The following NCOR2 variants were observed in gnomAD, a reference collection of about 807,000 sequenced individuals.
NCOR2 encodes the protein nuclear receptor corepressor 2.
In NCOR2, 81 loss-of-function variants were observed where a neutral mutation model predicts 262.9. The observed-to-expected ratio is 0.31, with a 90% CI of 0.26 to 0.37. The LOEUF is 0.37. NCOR2 is among the 10% of genes least tolerant of loss of function. The pLI is 1.00. For synonymous variants in NCOR2, 1,659 were observed against 1,559.3 expected, an observed-to-expected ratio of 1.06 and a Z score of -1.51; for missense variants, 3,385 against 3,621.4, an observed-to-expected ratio of 0.93 and a Z score of 1.68.
At chr12:124,366,370 A>G (rs567826432) in intron 20 of NCOR2, among the ~76,000 whole-genome samples, 21 of 151,418 alleles carry the variant, frequency 1.4e-4, no homozygotes, top group Non-Finnish European at 2.4e-4. Context: ...GTTTCTGTGA[A>G]AAGTCCAGAA....
chr12:124,338,004 T>C lies in NCOR2; in HGVS notation c.5688-824A>G, dbSNP rs928469564. Among the ~76,000 whole-genome samples the C allele has an allele frequency of 2.6e-5, 4 of 152,252 alleles. 1 individual carries two copies. Among genetic ancestry groups the C allele is most frequent in the Admixed American group, 2.6e-4 (4 of 15,288 alleles). On this transcript the variant is annotated intron_variant, in intron 37 of 46. Transcript: ENST00000405201. Reference sequence around the variant, plus strand: ...CCCACAGAGCCTGTGTGCGGAACCCTGCTCCCCACAGCCAGGGATTAGTGC... The same window carrying C: ...CCCACAGAGCCTGTGTGCGGAACCCCGCTCCCCACAGCCAGGGATTAGTGC...
intron 37 of NCOR2, among the ~76,000 whole-genome samples, chr12:124,338,878 CCAT>C (rs1051830379): frequency 6.6e-6 from 1 of 151,544 alleles, no homozygotes; most frequent in African/African-American, 2.4e-5. Context: ...ACCATCCATT[CCAT>C]CATCCACCTA....
chr12:124,350,227 C>T (rs572926214), intron 28 of NCOR2, among the ~76,000 whole-genome samples: 1 of 152,174 alleles, frequency 6.6e-6, no homozygotes, highest in African/African-American at 2.4e-5. Flanking sequence ...GGGCGAGGGG[C>T]ACTCTGGCCA....
intron 12 of NCOR2, among the ~76,000 whole-genome samples, chr12:124,421,735 C>T (rs1047101804): frequency 1.3e-5 from 2 of 152,250 alleles, no homozygotes; most frequent in African/African-American, 2.4e-5. Flanking sequence ...TCTCCTCTGA[C>T]CCCAAGATGC....
chr12:124,404,944 G>A (rs557868062), intron 13 of NCOR2, among the ~76,000 whole-genome samples: 1 of 152,368 alleles, frequency 6.6e-6, no homozygotes, highest in African/African-American at 2.4e-5. Context: ...CAGGCTCAGA[G>A]AGGCAAAGCT....
rs568657581 is a variant in NCOR2 at position 124,401,936 on chromosome 12, G to C, written c.1640+468C>G. Among the ~76,000 whole-genome samples, 3 of 152,322 alleles carry C rather than the reference G, an allele frequency of 2.0e-5. 1 individual carries two copies. Among genetic ancestry groups the C allele is most frequent in the East Asian group, 1.9e-4 (1 of 5,182 alleles). ...CTGTCACGGCCCCCGCGGTGAGGCT[G>C]TGCCTTGATCTGCAAGAACTCACAC... On this transcript the variant is annotated intron_variant, in intron 14 of 46. Transcript: ENST00000405201.
At chr12:124,532,102 GA>G (rs2050824508) in intron 1 of NCOR2, among the ~76,000 whole-genome samples, 1 of 152,140 alleles carries the variant, frequency 6.6e-6, no homozygotes, top group Non-Finnish European at 1.5e-5. Flanking sequence ...GGAGAATGGG[GA>G]TAAGGACGGT....
At chr12:124,519,091 C>CACACACACAT (rs779924337) in intron 1 of NCOR2, among the ~76,000 whole-genome samples, 2,313 of 121,334 alleles carry the variant, frequency 0.019, 66 homozygotes, top group Middle Eastern at 0.048. Context: ...CCAAATAATA[C>CACACACACAT]ACACACACAC....
chr12:124,563,969 G>A (rs909946225), intron 1 of NCOR2, among the ~76,000 whole-genome samples: 2 of 152,208 alleles, frequency 1.3e-5, no homozygotes, highest in Non-Finnish European at 2.9e-5. Flanking sequence ...GTGTGACCTT[G>A]GGCAAGTTAC....
intron 10 of NCOR2, chr12:124,429,282 C>T (rs1307617400): frequency 5.9e-6 from 2 of 337,364 alleles, no homozygotes; most frequent in African/African-American, 2.1e-5. Context: ...TGGGAAGTTC[C>T]AAAAGGAGGC....
intron 40 of NCOR2, 45 bp downstream of exon 42, chr12:124,335,090 C>G (rs1386064695): frequency 1.2e-6 from 2 of 1,612,064 alleles, no homozygotes; most frequent in Non-Finnish European, 1.7e-6. Context: ...GCCTGGTGCC[C>G]CCAGGTGCAA....
At chr12:124,415,006 C>T (rs1247581546) in intron 13 of NCOR2, among the ~76,000 whole-genome samples, 1 of 152,188 alleles carries the variant, frequency 6.6e-6, no homozygotes, top group Non-Finnish European at 1.5e-5. Flanking sequence ...CACAGAGGTA[C>T]CCTGGGTGCC....
chr12:124,349,547 C>T (rs929594571), intron 28 of NCOR2, among the ~76,000 whole-genome samples: 57 of 152,128 alleles, frequency 3.7e-4, no homozygotes, highest in African/African-American at 1.3e-3. Context: ...GAGTGGACGG[C>T]GTGAGCAGGC....
At chr12:124,477,966 A>C (rs1026771008) in intron 3 of NCOR2, among the ~76,000 whole-genome samples, 14 of 152,238 alleles carry the variant, frequency 9.2e-5, no homozygotes, top group African/African-American at 2.7e-4. Context: ...TCCAGGAAAA[A>C]GCAGGGCCCA....
At chr12:124,384,257 C>T (rs1339122589) in intron 17 of NCOR2, among the ~76,000 whole-genome samples, 2 of 152,236 alleles carry the variant, frequency 1.3e-5, no homozygotes. Context: ...CTCAGGCCCT[C>T]TTTGCCACAA....
At chr12:124,392,180 T>C (rs889698173) in intron 16 of NCOR2, among the ~76,000 whole-genome samples, 2 of 152,174 alleles carry the variant, frequency 1.3e-5, no homozygotes, top group East Asian at 1.9e-4. Context: ...TGCGGATTCA[T>C]GGGTCTCCCC....
At chr12:124,475,164 C>T (rs963106056) in intron 3 of NCOR2, among the ~76,000 whole-genome samples, 6 of 152,114 alleles carry the variant, frequency 3.9e-5, no homozygotes, top group Admixed American at 6.5e-5. Flanking sequence ...CTGGACAACC[C>T]GGTGCTCCCT....
chr12:124,445,016 A>G (rs2045050180), intron 7 of NCOR2, among the ~76,000 whole-genome samples: 1 of 152,144 alleles, frequency 6.6e-6, no homozygotes, highest in South Asian at 2.1e-4. Flanking sequence ...CCGCCTGCAC[A>G]GCCCCGGGTC....
chr12:124,434,551 C>A (rs1180118113), intron 8 of NCOR2, among the ~76,000 whole-genome samples: 4 of 152,136 alleles, frequency 2.6e-5, no homozygotes, highest in African/African-American at 7.2e-5. Context: ...CTCAAGCCCA[C>A]CCCAACTCCA....
Sources: gnomAD v4.1 joint callset for allele counts (sites outside exome capture counted in the v4.1 genomes callset) on GRCh38, gnomAD v4.1.1 for gene constraint, MANE v1.5 for transcripts, NCBI Gene and HGNC (gene_info 2026-07-23, HGNC 2026-07-21) for gene names.